CLK3: variants seen among roughly 807,000 people sequenced by gnomAD.
CLK3 encodes the protein CDC like kinase 3, also known as dual specificity protein kinase CLK3.
CLK3 carries 24 observed loss-of-function variants against 65.2 expected under a neutral mutation model. The observed-to-expected ratio is 0.37, with a 90% CI of 0.27 to 0.52. The LOEUF (loss-of-function observed/expected upper bound fraction) is 0.52. Among genes scored for constraint, CLK3 ranks in the 20% least tolerant of loss-of-function variants. CLK3 has a pLI of 0.92. For missense variants in CLK3, 506 were observed against 660.0 expected (o/e 0.77, Z 2.56); for synonymous variants, 252 against 240.8 (o/e 1.05, Z -0.43).
rs1432626714 is a variant in CLK3 at position 74,621,721 on chromosome 15, G to A, written c.370-399G>A. The A allele has an allele frequency of 2.0e-5, 7 of 346,026 alleles. No homozygotes were observed. The highest frequency in any genetic ancestry group is 4.0e-5 in the Non-Finnish European group (7 of 174,920). 21.4% of individuals were successfully genotyped at this position (346,026 alleles called of 1,614,324 possible). A position where few individuals can be genotyped will look rare whatever the true frequency, so the allele number is the denominator to read the frequency against. ...CTTCCGCTCTGGCCCAAAGCCACAT[G>A]GGAGGGTCTGGGAGGGAGAGACTCG... is the stretch of plus-strand genomic sequence containing the variant. On this transcript the variant is annotated intron_variant, in intron 3 of 12. Coordinates refer to ENST00000395066, the MANE Select transcript of CLK3 (RefSeq NM_001130028.2). This position sits in a 1 kb window ranked among gnomAD's most constrained non-coding sequence, Gnocchi z 4.8.
rs1735477968 is a variant in CLK3 at position 74,619,183 on chromosome 15, TC to T, written c.1-12del. Reference sequence around the variant, plus strand: ...CTGTGTGTTTAGCAGGGCTCTCTGTTCCTCGTGGCCTAGATGCATCACTGTA... The same window carrying T: ...CTGTGTGTTTAGCAGGGCTCTCTGTTCTCGTGGCCTAGATGCATCACTGTA... On this transcript the variant is annotated splice_polypyrimidine_tract_variant and intron_variant, in intron 1 of 12. Transcript: ENST00000395066. 6.2e-7 allele frequency: 1 copy of T among 1,613,194 alleles called. No homozygotes were observed. Among genetic ancestry groups the T allele is most frequent in the Admixed American group, 1.7e-5 (1 of 59,928 alleles).
intron 1 of CLK3, among the ~76,000 whole-genome samples, chr15:74,609,026 G>A (rs1027176242): frequency 6.6e-6 from 1 of 152,314 alleles, no homozygotes; most frequent in Admixed American, 6.5e-5. Flanking sequence ...GGCCTGCAAT[G>A]GCCCCCCAAC....
chr15:74,615,329 A>C (rs2062043630), upstream of CLK3: 1 of 949,342 alleles, frequency 1.1e-6, no homozygotes, highest in Non-Finnish European at 1.4e-6. Flanking sequence ...CTTTCAAAAA[A>C]CCCGCACACA....
upstream of CLK3, among the ~76,000 whole-genome samples, chr15:74,614,065 G>C (rs1221861733): frequency 6.6e-6 from 1 of 152,256 alleles, no homozygotes; most frequent in African/African-American, 2.4e-5. Context: ...GCAGGCTGCA[G>C]TGAAGTGGCG....
upstream of CLK3, chr15:74,615,046 G>C (rs902239589): frequency 9.2e-5 from 18 of 195,106 alleles, no homozygotes; most frequent in Middle Eastern, 1.8e-3. Context: ...CCCGGCGCGG[G>C]ACAGTAGGTG....
At chr15:74,626,834 C>G (rs1008148061) in intron 7 of CLK3, among the ~76,000 whole-genome samples, 5 of 152,180 alleles carry the variant, frequency 3.3e-5, no homozygotes, top group African/African-American at 1.2e-4. Context: ...GGCTTGCCTG[C>G]TTATGACTAG....
intron 1 of CLK3, chr15:74,608,524 T>C (rs1055062015): frequency 7.2e-5 from 11 of 152,232 alleles, no homozygotes; most frequent in African/African-American, 2.7e-4. Flanking sequence ...GCCTCTTTCA[T>C]GGCTCCCTGC....
At position 74,627,600 on chromosome 15, in the gene CLK3, C is replaced by T. The variant is rs1403399304; in HGVS notation, c.974C>T (p.Thr325Ile). The T allele has an allele frequency of 6.2e-7, 1 of 1,614,188 alleles. No individual in the cohort carries two copies. The highest frequency in any genetic ancestry group is 8.5e-7 in the Non-Finnish European group (1 of 1,180,040). The part of the protein sequence containing the change: ...SIRVADFGSA[T>I]FDHEHHTTIV... Reference sequence around the variant, plus strand: ...CGAGTGGCTGACTTTGGCAGTGCCACATTTGACCATGAGCACCACACCACC... The same window carrying T: ...CGAGTGGCTGACTTTGGCAGTGCCATATTTGACCATGAGCACCACACCACC... The change falls in exon 9 of 13, where the codon ACA (threonine) becomes ATA (isoleucine). Residue 325 changes from threonine (T) to isoleucine (I), a missense_variant. By Grantham distance (89) the Thr-to-Ile change is moderately conservative. Around this residue, in one of 2 missense-constraint regions of CLK3, gnomAD observed 325 missense variants for 500.5 expected, o/e 0.65. Transcript: ENST00000395066. This position sits in a 1 kb window ranked among gnomAD's most constrained non-coding sequence, Gnocchi z 4.3.
At position 74,627,652 on chromosome 15, in the gene CLK3, G is replaced by T; in HGVS notation, c.1026G>T (p.Pro342=). 1 of 1,613,796 alleles carries T rather than the reference G, an allele frequency of 6.2e-7. No individual in the cohort carries two copies. Among genetic ancestry groups the T allele is most frequent in the Non-Finnish European group, 8.5e-7 (1 of 1,180,036 alleles). ...TTGTGGCCACCCGTCACTATCGCCC[G>T]CCTGAGGTGATCCTTGGTGAGTGAC... ...TTIVATRHYR[P]PEVILELGWA... The change falls in exon 9 of 13, where the codon CCG becomes CCT. Residue 342 remains proline (P), a synonymous_variant. Transcript: ENST00000395066. The surrounding 1 kb of genome is among the most constrained non-coding windows in gnomAD (Gnocchi z 4.3).
chr15:74,611,681 T>C (rs1232211449), upstream of CLK3, among the ~76,000 whole-genome samples: 2 of 152,236 alleles, frequency 1.3e-5, no homozygotes, highest in African/African-American at 4.8e-5. Context: ...TATGCTCACC[T>C]GCACCCTTCA....
chr15:74,626,244 AACC>A (rs750089971), intron 7 of CLK3, among the ~76,000 whole-genome samples: 18 of 152,178 alleles, frequency 1.2e-4, no homozygotes, highest in Non-Finnish European at 2.5e-4. Context: ...GAATTGGCCT[AACC>A]ACCAACCCTG....
Position 74,624,794 on chromosome 15 carries a change from G to C in CLK3, c.534-108G>C, listed in dbSNP as rs2062130887. On this transcript the variant is annotated intron_variant, in intron 5 of 12. Coordinates refer to ENST00000395066, the MANE Select transcript of CLK3 (RefSeq NM_001130028.2). This position sits in a 1 kb window ranked among gnomAD's most constrained non-coding sequence, Gnocchi z 4.2. The stretch of plus-strand genomic sequence containing the variant: ...TCCAGTATCTGCTCTCTTCAGTGCC[G>C]GCTGCTCCTGGAGTGGTGTTTGTTG... 3 of 777,420 alleles carry C rather than the reference G, an allele frequency of 3.9e-6. No homozygotes were observed. In the Admixed American group the frequency reaches 6.1e-5, roughly 16 times the overall value. 48.2% of individuals were successfully genotyped at this position (777,420 alleles called of 1,614,324 possible).
upstream of CLK3, chr15:74,615,312 A>T: frequency 1.3e-6 from 1 of 764,518 alleles, no homozygotes. Context: ...TGGGAGCGCC[A>T]CCACGGCTTT....
At chr15:74,625,181 G>C (rs2062133852) in intron 6 of CLK3, among the ~76,000 whole-genome samples, 163 bp downstream of exon 6, 1 of 152,148 alleles carries the variant, frequency 6.6e-6, no homozygotes, top group African/African-American at 2.4e-5. Context: ...CTGCAGTCCA[G>C]TCTTCACCCC....
chr15:74,619,612 G>A (rs1436036237), intron 2 of CLK3, among the ~76,000 whole-genome samples: 4 of 152,080 alleles, frequency 2.6e-5, no homozygotes, highest in African/African-American at 4.8e-5. Flanking sequence ...GCATCTTTCC[G>A]CTTAACCTCC....
rs373820320 is a variant in CLK3 at position 74,629,760 on chromosome 15, G to A, written c.1350G>A (p.Arg450=). Reference sequence around the variant, plus strand: ...ACGTGCAGCTGTTTGACCTGATGAGGAGGATGTTAGAATTTGACCCTGCCC... The same window carrying A: ...ACGTGCAGCTGTTTGACCTGATGAGAAGGATGTTAGAATTTGACCCTGCCC... ...LEHVQLFDLM[R]RMLEFDPAQR... is the part of the protein sequence containing the mutation. Residue 450 remains arginine, a synonymous_variant, in exon 13 of 13, where the codon AGG becomes AGA. Transcript: ENST00000395066. 6.2e-7 allele frequency: 1 copy of A among 1,613,518 alleles called. No homozygotes were observed. Among genetic ancestry groups the A allele is most frequent in the African/African-American group, 1.3e-5 (1 of 74,886 alleles).
In CLK3 at chr15:74,621,669, C is replaced by T. The variant is rs2141543367; in HGVS notation, c.370-451C>T. ...GTTGGACCCAGGCGGGGCCAGCTGC[C>T]TTCTTGCGCCGCCGTTCTCACTGCA... On this transcript the variant is annotated intron_variant, in intron 3 of 12. Coordinates refer to ENST00000395066, the MANE Select transcript of CLK3 (RefSeq NM_001130028.2). This position sits in a 1 kb window ranked among gnomAD's most constrained non-coding sequence, Gnocchi z 4.8. The T allele has an allele frequency of 6.5e-6, 2 of 309,024 alleles. No homozygotes were observed. The highest frequency in any genetic ancestry group is 1.3e-5 in the Non-Finnish European group (2 of 155,434). 19.1% of individuals were successfully genotyped at this position (309,024 alleles called of 1,614,324 possible).
At position 74,629,934 on chromosome 15, in the gene CLK3, G is replaced by C. The variant is rs2062180126; in HGVS notation, c.*51G>C. The C allele has an allele frequency of 3.3e-6, 5 of 1,529,934 alleles. No individual in the cohort carries two copies. The highest frequency in any genetic ancestry group is 2.7e-6 in the Non-Finnish European group (3 of 1,127,554). 94.8% of individuals were successfully genotyped at this position (1,529,934 alleles called of 1,614,324 possible). On this transcript the variant is annotated 3_prime_UTR_variant, in exon 13 of 13. Transcript: ENST00000395066. ...ATGGAGGGCGGGACTGGGCCGCCCA[G>C]CCCCTTGACTCCAGCCTCGACCGCC...
intron 11 of CLK3, 24 bp from the exon 12 acceptor site, chr15:74,628,918 T>TA: frequency 6.4e-7 from 1 of 1,553,028 alleles, no homozygotes; most frequent in South Asian, 1.1e-5. Context: ...CTCCCACACT[T>TA]GACTCCACCC....
Sources: allele counts gnomAD v4.1 joint callset (sites outside exome capture counted in the v4.1 genomes callset), GRCh38; gene constraint gnomAD v4.1.1; regional missense constraint gnomAD v4.1.1; non-coding constraint Gnocchi (gnomAD v3.1); transcripts MANE v1.5; gene names NCBI Gene and HGNC (gene_info 2026-07-23, HGNC 2026-07-21).